DMD: variants seen among roughly 807,000 people sequenced by gnomAD.
DMD encodes the protein dystrophin.
A neutral mutation model predicts 330.1 loss-of-function variants in DMD; 63 were observed. That is an observed-to-expected ratio of 0.19 (90% confidence interval 0.16 to 0.24). The LOEUF is 0.24. Among genes scored for constraint, DMD ranks in the 10% least tolerant of loss-of-function variants. The probability of loss-of-function intolerance (pLI) is 1.00; values close to 1 mark genes in which losing one functional copy is unlikely to be tolerated. For synonymous variants in DMD, 1,223 were observed against 959.8 expected, an observed-to-expected ratio of 1.27 and a Z score of -5.07; for missense variants, 3,344 against 2,684.1, an observed-to-expected ratio of 1.25 and a Z score of -5.43.
intron 1 of DMD, among the ~76,000 whole-genome samples, chrX:33,149,169 T>C (rs1481983578): frequency 9.2e-6 from 1 of 108,815 alleles, no homozygotes; most frequent in Non-Finnish European, 1.9e-5. Flanking sequence ...CACCATATCA[T>C]AGAATCAGTG....
In DMD at chrX:31,396,427, G is replaced by A. The variant is rs186468770; in HGVS notation, c.9085-47793C>T. 2.9e-3 allele frequency among the ~76,000 whole-genome samples: 323 copies of A among 110,625 alleles called. 17 individuals carry two copies. In the East Asian group the frequency reaches 0.053, roughly 18 times the overall value. ...GCTGGGATTACAGGCGTGAGCCACC[G>A]CGCCCGGCCCAAAGATGACAATTAT... On this transcript the variant is annotated intron_variant, in intron 60 of 78. Transcript: ENST00000357033.
At chrX:32,057,765 C>T (rs762883783) in intron 44 of DMD, among the ~76,000 whole-genome samples, 12 of 111,057 alleles carry the variant, frequency 1.1e-4, no homozygotes, top group South Asian at 3.7e-4. Flanking sequence ...AAACCACAAA[C>T]GACTCCAAAT....
At chrX:33,273,185 C>G (rs768826270) in intron 1 of DMD, among the ~76,000 whole-genome samples, 2 of 111,679 alleles carry the variant, frequency 1.8e-5, no homozygotes, top group African/African-American at 6.5e-5. Context: ...AAACAGTGAC[C>G]CTGTTGTAAC....
intron 1 of DMD, among the ~76,000 whole-genome samples, chrX:33,222,045 T>C (rs1412156283): frequency 9.0e-6 from 1 of 111,643 alleles, no homozygotes; most frequent in Non-Finnish European, 1.9e-5. Context: ...AGAAAACAAT[T>C]CTGAGTATAT....
intron 7 of DMD, among the ~76,000 whole-genome samples, chrX:32,743,150 A>G (rs2069522328): frequency 9.0e-6 from 1 of 111,432 alleles, no homozygotes; most frequent in African/African-American, 3.3e-5. Context: ...GTGAATGCAC[A>G]GCCCCTCCCG....
rs201558029 is a variant in DMD, at chrX:32,343,106, T to G, written c.5739+28A>C. On this transcript the variant is annotated intron_variant, in intron 40 of 78. Transcript: ENST00000357033. ...GTTAATTAAACTGTATAATAAAATC[T>G]GGTATTGACATTCTAAAACAACATT... The G allele has an allele frequency of 6.2e-5, 73 of 1,184,160 alleles. No homozygotes were observed. In the African/African-American group the frequency reaches 1.2e-3, roughly 19 times the overall value.
At chrX:31,861,733 CTA>C (rs1491393559) in intron 48 of DMD, among the ~76,000 whole-genome samples, 1 of 54,537 alleles carries the variant, frequency 1.8e-5, no homozygotes, top group South Asian at 9.8e-4. Context: ...GAGAAGAGTG[CTA>C]TACACACACA....
chrX:33,262,210 T>G (rs1376853696), intron 1 of DMD, among the ~76,000 whole-genome samples: 1 of 111,382 alleles, frequency 9.0e-6, no homozygotes, highest in Non-Finnish European at 1.9e-5. Flanking sequence ...ATAAACAGCT[T>G]AAGTATCTGG....
At chrX:32,052,435 C>G (rs973337925) in intron 44 of DMD, among the ~76,000 whole-genome samples, 3 of 111,415 alleles carry the variant, frequency 2.7e-5, no homozygotes, top group African/African-American at 9.8e-5. Flanking sequence ...TGATTGTGCT[C>G]TCTATTCTAG....
chrX:31,385,940 G>A (rs923974192), intron 60 of DMD, among the ~76,000 whole-genome samples: 6 of 111,896 alleles, frequency 5.4e-5, no homozygotes, highest in Admixed American at 9.5e-5. Context: ...TGTTTATTGC[G>A]GCACTGTTCA....
intron 41 of DMD, among the ~76,000 whole-genome samples, chrX:32,317,192 A>C (rs1303181873): frequency 9.0e-6 from 1 of 111,427 alleles, no homozygotes; most frequent in Non-Finnish European, 1.9e-5. Flanking sequence ...AATTCATTTT[A>C]TTTCTTTGTG....
At chrX:32,604,061 C>G (rs2056460755) in intron 12 of DMD, among the ~76,000 whole-genome samples, 1 of 110,508 alleles carries the variant, frequency 9.0e-6, no homozygotes. Flanking sequence ...AAACCACAGG[C>G]CAATATCCCT....
rs150198771 is a variant in DMD at position 32,815,891 on chromosome X, T to C, written c.530+577A>G. 2.2e-3 allele frequency among the ~76,000 whole-genome samples: 248 copies of C among 111,179 alleles called. 2 individuals carry two copies. The highest frequency in any genetic ancestry group is 4.6e-3 in the Middle Eastern group (1 of 216). Reference sequence around the variant, plus strand: ...TCAAAACATTGTGTCATATAATTAATTGTGTTCTGCTCTTTGTCTTGGTTA... The same window carrying C: ...TCAAAACATTGTGTCATATAATTAACTGTGTTCTGCTCTTTGTCTTGGTTA... On this transcript the variant is annotated intron_variant, in intron 6 of 78. Coordinates refer to ENST00000357033, the MANE Select transcript of DMD (RefSeq NM_004006.3).
Position 32,518,082 on chromosome X carries a change from C to A in DMD, c.2218G>T (p.Ala740Ser), listed in dbSNP as rs762082311. 8.3e-7 allele frequency: 1 copy of A among 1,210,422 alleles called. No individual in the cohort carries two copies. Residue 740 changes from alanine (A) to serine (S), a missense_variant, in exon 18 of 79, where the codon GCT (alanine) becomes TCT (serine). Ala to Ser is a moderately conservative substitution (Grantham distance 99, BLOSUM62 1). Transcript: ENST00000357033. ...GCAAATTCAGGACTCTGCAACACAG[C>A]TTCTGAGCGAGTAATCCAGCTGTGA... ...ELHSWITRSE[A>S]VLQSPEFAIF...
Position 33,184,633 on chromosome X carries a change from T to C in DMD, c.31+26649A>G, listed in dbSNP as rs149204807. ...TAAAATAATAGTGGAATAAAATTGA[T>C]ACTTTATTTCCTATTTTGATTTTAT... On this transcript the variant is annotated intron_variant, in intron 1 of 78. Coordinates refer to ENST00000357033, the MANE Select transcript of DMD (RefSeq NM_004006.3). 5.1e-4 allele frequency among the ~76,000 whole-genome samples: 57 copies of C among 110,989 alleles called. No individual in the cohort carries two copies. The East Asian group carries it at 0.015, about 30-fold the overall frequency.
In DMD at chrX:32,614,375, T is replaced by C. The variant is rs770845328; in HGVS notation, c.1410A>G (p.Arg470=). The C allele has an allele frequency of 4.1e-6, 5 of 1,208,579 alleles. No homozygotes were observed. In the South Asian group the frequency reaches 8.8e-5, roughly 21 times the overall value. ...LNDWLTKTEE[R]TRKMEEEPLG... is the part of the protein sequence containing the mutation. Reference sequence around the variant, plus strand: ...GAGGCTCTTCCTCCATTTTCCTTGTTCTTTCTTCTGTTTTTGTTAGCCAGT... The same window carrying C: ...GAGGCTCTTCCTCCATTTTCCTTGTCCTTTCTTCTGTTTTTGTTAGCCAGT... The change falls in exon 12 of 79, where the codon AGA becomes AGG. Residue 470 remains arginine, a synonymous_variant. Coordinates refer to ENST00000357033, the MANE Select transcript of DMD (RefSeq NM_004006.3).
At chrX:31,527,787 C>T (rs1048212852) in intron 55 of DMD, among the ~76,000 whole-genome samples, 4 of 111,629 alleles carry the variant, frequency 3.6e-5, no homozygotes, top group African/African-American at 1.3e-4. Flanking sequence ...ATCATTGCTT[C>T]AGTGGTACCC....
chrX:32,115,168 C>T (rs2096605103), intron 44 of DMD, among the ~76,000 whole-genome samples: 1 of 111,349 alleles, frequency 9.0e-6, no homozygotes, highest in African/African-American at 3.3e-5. Context: ...TTCCCAAACT[C>T]TCCTCCTAGA....
At chrX:31,959,918 G>T (rs775836636) in intron 45 of DMD, among the ~76,000 whole-genome samples, 1 of 108,824 alleles carries the variant, frequency 9.2e-6, no homozygotes, top group African/African-American at 3.3e-5. Context: ...GCCCACGTCT[G>T]GCTAAGTTTT....
Sources: allele counts gnomAD v4.1 joint callset (sites outside exome capture counted in the v4.1 genomes callset), GRCh38; gene constraint gnomAD v4.1.1; transcripts MANE v1.5; gene names NCBI Gene and HGNC (gene_info 2026-07-23, HGNC 2026-07-21).